Variants in CNTNAP2 observed in about 807,000 individuals in gnomAD.
The protein encoded by CNTNAP2 is contactin-associated protein-like 2.
A neutral mutation model predicts 155.2 loss-of-function variants in CNTNAP2; 98 were observed. That is an observed-to-expected ratio of 0.63 (90% CI 0.54 to 0.75). The LOEUF (loss-of-function observed/expected upper bound fraction) is 0.75. CNTNAP2 is among the 30% of genes least tolerant of loss of function. CNTNAP2 has a pLI of 0.00. For synonymous variants in CNTNAP2, 651 were observed against 631.2 expected (o/e 1.03, Z -0.47); for missense variants, 1,727 against 1,688.1 (o/e 1.02, Z -0.40).
intron 18 of CNTNAP2, among the ~76,000 whole-genome samples, chr7:148,175,290 A>G (rs1239053920): frequency 6.6e-6 from 1 of 152,102 alleles, no homozygotes; most frequent in Admixed American, 6.5e-5. Context: ...ATTTCCTCTA[A>G]CATCATTATT....
chr7:147,275,411 ATGTT>A (rs1413902042), intron 8 of CNTNAP2, among the ~76,000 whole-genome samples: 2 of 143,694 alleles, frequency 1.4e-5, no homozygotes, highest in Non-Finnish European at 3.1e-5. Context: ...GTGCTTGTGT[ATGTT>A]TGTGTGTGTG....
intron 2 of CNTNAP2, among the ~76,000 whole-genome samples, chr7:146,821,819 A>G (rs971004790): frequency 2.0e-5 from 3 of 151,432 alleles, no homozygotes; most frequent in African/African-American, 7.3e-5. Context: ...AAGTCAGGAA[A>G]AAACAGGTGC....
chr7:146,517,894 G>C (rs801971), intron 1 of CNTNAP2, among the ~76,000 whole-genome samples: 3 of 151,608 alleles, frequency 2.0e-5, no homozygotes, highest in East Asian at 1.9e-4. Flanking sequence ...ATATGAATGC[G>C]CCATGACTTA....
chr7:146,173,415 A>G (rs1798423541), intron 1 of CNTNAP2, among the ~76,000 whole-genome samples: 1 of 152,122 alleles, frequency 6.6e-6, no homozygotes, highest in African/African-American at 2.4e-5. Flanking sequence ...AAATAAATTG[A>G]TGTAACACTA....
chr7:146,764,081 C>T (rs1321669365), intron 1 of CNTNAP2, among the ~76,000 whole-genome samples: 1 of 152,122 alleles, frequency 6.6e-6, no homozygotes, highest in Non-Finnish European at 1.5e-5. Context: ...GTTAATGAAA[C>T]CAGAGGGTCA....
intron 1 of CNTNAP2, among the ~76,000 whole-genome samples, chr7:146,350,369 G>A (rs1247909541): frequency 1.3e-5 from 2 of 151,842 alleles, no homozygotes; most frequent in Non-Finnish European, 2.9e-5. Context: ...GTGGGCGAAG[G>A]ATATGAACAG....
intron 9 of CNTNAP2, among the ~76,000 whole-genome samples, chr7:147,310,651 T>C (rs1795106913): frequency 6.6e-6 from 1 of 152,172 alleles, no homozygotes; most frequent in African/African-American, 2.4e-5. Context: ...GTTTATCCTA[T>C]GAAGTTGATT....
At chr7:147,682,114 T>C (rs1795954944) in intron 13 of CNTNAP2, among the ~76,000 whole-genome samples, 1 of 151,084 alleles carries the variant, frequency 6.6e-6, no homozygotes, top group Non-Finnish European at 1.5e-5. Context: ...GACCTGTAAG[T>C]GCAACAAGGG....
intron 12 of CNTNAP2, among the ~76,000 whole-genome samples, chr7:147,611,544 A>C (rs1004148632): frequency 6.6e-6 from 1 of 152,236 alleles, no homozygotes; most frequent in Non-Finnish European, 1.5e-5. Flanking sequence ...AAAAAGACAC[A>C]TATGAGCTCC....
At chr7:148,384,777 C>T (rs78377113) in intron 22 of CNTNAP2, among the ~76,000 whole-genome samples, 4,705 of 152,268 alleles carry the variant, frequency 0.031, 87 homozygotes, top group Non-Finnish European at 0.039. Context: ...TGCCTCTCAC[C>T]AGCAGATTAA....
At chr7:146,423,541 G>T (rs1473133470) in intron 1 of CNTNAP2, among the ~76,000 whole-genome samples, 1 of 152,188 alleles carries the variant, frequency 6.6e-6, no homozygotes. Context: ...CATGGATAAA[G>T]ACAGGATATT....
chr7:146,917,456 A>G (rs1199570239), intron 3 of CNTNAP2, among the ~76,000 whole-genome samples: 2 of 152,098 alleles, frequency 1.3e-5, no homozygotes, highest in Non-Finnish European at 2.9e-5. Context: ...TCTTAGGTCC[A>G]GTAAGTAATT....
In CNTNAP2 at chr7:148,360,482, C is replaced by T. The variant is rs143453205; in HGVS notation, c.3476-23167C>T. On this transcript the variant is annotated intron_variant, in intron 21 of 23. Coordinates refer to ENST00000361727, the MANE Select transcript of CNTNAP2 (RefSeq NM_014141.6). ...AATGGAGACGGAATTGGAAATGGAA[C>T]GTGAGGAATATCAGTAAACCCTTGT... 1.2e-3 allele frequency among the ~76,000 whole-genome samples: 185 copies of T among 152,286 alleles called. 1 individual carries two copies. Among genetic ancestry groups the T allele is most frequent in the African/African-American group, 3.8e-3 (160 of 41,572 alleles).
chr7:147,660,685 CT>C (rs1795595508), intron 13 of CNTNAP2, among the ~76,000 whole-genome samples: 1 of 152,164 alleles, frequency 6.6e-6, no homozygotes, highest in African/African-American at 2.4e-5. Context: ...ACTAAGCTAA[CT>C]TCTATGAGAG....
At chr7:146,632,143 A>G (rs1188153116) in intron 1 of CNTNAP2, among the ~76,000 whole-genome samples, 1 of 152,176 alleles carries the variant, frequency 6.6e-6, no homozygotes, top group African/African-American at 2.4e-5. Flanking sequence ...ATGAAAATTT[A>G]GAGAGTTTGG....
chr7:146,858,495 A>G (rs752598434), intron 3 of CNTNAP2, among the ~76,000 whole-genome samples: 1 of 152,308 alleles, frequency 6.6e-6, no homozygotes, highest in Non-Finnish European at 1.5e-5. Context: ...GGAGTTTGAG[A>G]CCAGTCTAGG....
intron 20 of CNTNAP2, among the ~76,000 whole-genome samples, chr7:148,254,706 G>A (rs1243949919): frequency 6.6e-6 from 1 of 151,080 alleles, no homozygotes; most frequent in Non-Finnish European, 1.5e-5. Flanking sequence ...AACCCAGGAG[G>A]CGGAAGTTGC....
chr7:146,964,928 G>A (rs989184188), intron 3 of CNTNAP2, among the ~76,000 whole-genome samples: 1 of 141,162 alleles, frequency 7.1e-6, no homozygotes, highest in Non-Finnish European at 1.6e-5. Flanking sequence ...GTAGAACATT[G>A]TGTTGAGAAT....
At chr7:147,522,426 A>G (rs974265646) in intron 11 of CNTNAP2, among the ~76,000 whole-genome samples, 1 of 152,134 alleles carries the variant, frequency 6.6e-6, no homozygotes, top group Non-Finnish European at 1.5e-5. Context: ...TCTACCAATA[A>G]TATTTTAGAA....
Sources: allele counts gnomAD v4.1 joint callset (sites outside exome capture counted in the v4.1 genomes callset), GRCh38; gene constraint gnomAD v4.1.1; transcripts MANE v1.5; gene names NCBI Gene and HGNC (gene_info 2026-07-23, HGNC 2026-07-21).